The following EYS variants were observed in gnomAD, a reference collection of about 807,000 sequenced individuals.
EYS encodes the protein EGF-like photoreceptor maintenance factor.
In EYS, 250 loss-of-function variants were observed where a neutral mutation model predicts 282.1. The observed-to-expected ratio is 0.89, with a 90% CI of 0.80 to 0.98. EYS has a LOEUF of 0.98. Ranked by LOEUF, EYS falls within the 50% of genes least tolerant of loss-of-function variation. The pLI is 0.00. For missense variants in EYS, 4,016 were observed against 3,709.0 expected (o/e 1.08, Z -2.15); for synonymous variants, 1,355 against 1,282.9 (o/e 1.06, Z -1.20).
chr6:64,251,033 C>T (rs962287063), intron 30 of EYS, among the ~76,000 whole-genome samples: 2 of 152,126 alleles, frequency 1.3e-5, no homozygotes, highest in African/African-American at 4.8e-5. Context: ...TTTATCTCAC[C>T]TTGTTCATTA....
chr6:63,764,332 A>T (rs571786347), intron 40 of EYS, among the ~76,000 whole-genome samples: 7 of 152,156 alleles, frequency 4.6e-5, no homozygotes, highest in African/African-American at 1.4e-4. Context: ...AAAATACAGA[A>T]TTAATCTGCT....
At chr6:64,489,093 T>C (rs1244824116) in intron 26 of EYS, among the ~76,000 whole-genome samples, 2 of 150,948 alleles carry the variant, frequency 1.3e-5, no homozygotes, top group African/African-American at 4.8e-5. Context: ...AAAAGAACTA[T>C]GAAGAACCCA....
At chr6:64,430,339 A>G (rs1481481184) in intron 28 of EYS, among the ~76,000 whole-genome samples, 1 of 152,198 alleles carries the variant, frequency 6.6e-6, no homozygotes. Context: ...CCTAGGCATT[A>G]TGCGCCAGTA....
intron 29 of EYS, among the ~76,000 whole-genome samples, chr6:64,332,035 C>T (rs992616541): frequency 6.6e-6 from 1 of 152,192 alleles, no homozygotes; most frequent in Non-Finnish European, 1.5e-5. Context: ...AGTACAACAG[C>T]TAACGCAGAT....
intron 10 of EYS, among the ~76,000 whole-genome samples, chr6:65,341,911 A>C (rs186758465): frequency 6.6e-6 from 1 of 151,348 alleles, no homozygotes; most frequent in East Asian, 1.9e-4. Flanking sequence ...CCATTCTAGG[A>C]TGATTTTTCA....
chr6:64,076,751 T>A (rs539215213), intron 32 of EYS, among the ~76,000 whole-genome samples: 3 of 152,092 alleles, frequency 2.0e-5, no homozygotes, highest in South Asian at 4.1e-4. Flanking sequence ...GTCTTGGGTA[T>A]GTCTTTATTA....
intron 31 of EYS, among the ~76,000 whole-genome samples, chr6:64,138,120 A>T (rs1361261132): frequency 6.6e-6 from 1 of 152,184 alleles, no homozygotes; most frequent in Non-Finnish European, 1.5e-5. Flanking sequence ...ACCATTCCTA[A>T]ACTCAAGCAC....
chr6:64,421,194 A>T (rs1774221248), intron 28 of EYS, among the ~76,000 whole-genome samples: 1 of 152,162 alleles, frequency 6.6e-6, no homozygotes, highest in Admixed American at 6.5e-5. Context: ...GGAAGTAAAC[A>T]TGTCCTTCTT....
rs529355635 is a variant in EYS, at chr6:65,380,033, G to T, written c.1299+4353C>A. On this transcript the variant is annotated intron_variant, in intron 8 of 42. Coordinates refer to ENST00000503581, the MANE Select transcript of EYS (RefSeq NM_001142800.2). ...CAGGAAAAATCAATATTGTGAAAAT[G>T]GCCATACTGCCCAAAGAAATTTATA... Among the ~76,000 whole-genome samples, 217 of 152,032 alleles carry T rather than the reference G, an allele frequency of 1.4e-3. 2 individuals are homozygous for T. Among genetic ancestry groups the T allele is most frequent in the Middle Eastern group, 3.4e-3 (1 of 294 alleles).
At chr6:65,618,668 A>T (rs909152486) in intron 2 of EYS, among the ~76,000 whole-genome samples, 16 of 152,264 alleles carry the variant, frequency 1.1e-4, no homozygotes, top group African/African-American at 3.9e-4. Flanking sequence ...GTTTTCTTCT[A>T]GGGTTTTTAC....
At chr6:65,452,129 C>T (rs1314136236) in intron 5 of EYS, among the ~76,000 whole-genome samples, 1 of 151,630 alleles carries the variant, frequency 6.6e-6, no homozygotes, top group Non-Finnish European at 1.5e-5. Context: ...TATGACCTCA[C>T]ACTTAGTGTG....
chr6:64,111,641 G>GCGCT (rs1379307128), intron 31 of EYS, among the ~76,000 whole-genome samples: 1 of 152,016 alleles, frequency 6.6e-6, no homozygotes, highest in Non-Finnish European at 1.5e-5. Context: ...TAATATTTAT[G>GCGCT]AGCTGTGTGG....
chr6:64,335,249 A>ACC (rs1770800689), intron 29 of EYS, among the ~76,000 whole-genome samples: 1 of 121,358 alleles, frequency 8.2e-6, no homozygotes. Context: ...GACTCCCCCC[A>ACC]CCCCCCCTCC....
chr6:64,081,034 A>G (rs1771947815), intron 32 of EYS, among the ~76,000 whole-genome samples: 1 of 151,986 alleles, frequency 6.6e-6, no homozygotes, highest in South Asian at 2.1e-4. Flanking sequence ...TGACTTGACA[A>G]TGTGGGCTCT....
chr6:65,331,450 T>A (rs1769794316), intron 11 of EYS: 26 of 812,988 alleles, frequency 3.2e-5, no homozygotes, highest in Non-Finnish European at 3.9e-5. Context: ...TTTCTAGATA[T>A]TGCAACTGAT....
chr6:64,668,014 C>T (rs565463372), intron 22 of EYS, among the ~76,000 whole-genome samples: 10 of 152,180 alleles, frequency 6.6e-5, no homozygotes, highest in Middle Eastern at 3.4e-3. Context: ...TACAGTTGGG[C>T]GTAAGAATTT....
At chr6:64,263,826 TTC>T (rs1767667445) in intron 30 of EYS, among the ~76,000 whole-genome samples, 1 of 152,104 alleles carries the variant, frequency 6.6e-6, no homozygotes, top group Non-Finnish European at 1.5e-5. Flanking sequence ...CTAAAAACTG[TTC>T]TGTTTTTGTG....
intron 19 of EYS, among the ~76,000 whole-genome samples, chr6:64,830,141 A>T (rs1156683763): frequency 1.3e-5 from 2 of 152,012 alleles, no homozygotes; most frequent in Non-Finnish European, 2.9e-5. Context: ...GGCCCAAGGG[A>T]ACCTTCCACC....
intron 22 of EYS, among the ~76,000 whole-genome samples, chr6:64,696,929 A>G (rs560198409): frequency 6.6e-6 from 1 of 152,298 alleles, no homozygotes; most frequent in South Asian, 2.1e-4. Context: ...AAGCAATTAC[A>G]CAAAGGAGGA....
Sources: gnomAD v4.1 joint callset for allele counts (sites outside exome capture counted in the v4.1 genomes callset) on GRCh38, gnomAD v4.1.1 for gene constraint, MANE v1.5 for transcripts, NCBI Gene and HGNC (gene_info 2026-07-23, HGNC 2026-07-21) for gene names.